Variants in CLASP1 observed in about 807,000 individuals in gnomAD.
The protein encoded by CLASP1 is CLIP-associating protein 1.
A neutral mutation model predicts 192.3 loss-of-function variants in CLASP1; 38 were observed. The observed-to-expected ratio is 0.20, with a 90% CI of 0.15 to 0.26. The LOEUF (loss-of-function observed/expected upper bound fraction) is 0.26. Among genes scored for constraint, CLASP1 ranks in the 10% least tolerant of loss-of-function variants. The probability of loss-of-function intolerance (pLI) is 1.00; values close to 1 mark genes in which losing one functional copy is unlikely to be tolerated. For missense variants in CLASP1, 1,433 were observed against 1,932.5 expected (o/e 0.74, Z 4.85); for synonymous variants, 691 against 712.8 (o/e 0.97, Z 0.49).
At chr2:121,357,419 C>T (rs1182399933) in intron 37 of CLASP1, among the ~76,000 whole-genome samples, 1 of 152,148 alleles carries the variant, frequency 6.6e-6, no homozygotes, top group Non-Finnish European at 1.5e-5. Flanking sequence ...ACCTGCCCCC[C>T]ACCTCCCACC....
chr2:121,633,028 A>ATATATATATATATACATATATG (rs71398039), intron 1 of CLASP1, among the ~76,000 whole-genome samples: 7 of 137,544 alleles, frequency 5.1e-5, no homozygotes, highest in Non-Finnish European at 9.3e-5. Flanking sequence ...ATATATATAT[A>ATATATATATATATACATATATG]GGCTTTTTTT....
intron 6 of CLASP1, among the ~76,000 whole-genome samples, chr2:121,524,284 A>G (rs1335669621): frequency 6.6e-6 from 1 of 152,234 alleles, no homozygotes. Context: ...TTCCCACGGA[A>G]AACAAAAACA....
At chr2:121,537,508 A>G (rs2095121858) in intron 2 of CLASP1, among the ~76,000 whole-genome samples, 1 of 152,208 alleles carries the variant, frequency 6.6e-6, no homozygotes. Flanking sequence ...AGCCCAGTGT[A>G]TCACACCACA....
At chr2:121,534,250 G>A (rs1186844722) in intron 2 of CLASP1, among the ~76,000 whole-genome samples, 1 of 152,194 alleles carries the variant, frequency 6.6e-6, no homozygotes, top group Non-Finnish European at 1.5e-5. Context: ...TCCAAAGTTG[G>A]TGACCTAGTT....
chr2:121,363,356 A>G lies in CLASP1; in HGVS notation c.4078-56T>C. 4 of 1,602,396 alleles carry G rather than the reference A, an allele frequency of 2.5e-6. No individual in the cohort carries two copies. The South Asian group carries it at 4.4e-5, about 18-fold the overall frequency. On this transcript the variant is annotated intron_variant, in intron 36 of 39. Coordinates refer to ENST00000263710, the Ensembl canonical transcript of CLASP1. ...CAAACACCACACAGCACTTTCACAC[A>G]CAGCAGTCAGCAGGGTCGGCAAGGC...
At chr2:121,516,978 C>G (rs1327407217) in intron 6 of CLASP1, among the ~76,000 whole-genome samples, 1 of 152,138 alleles carries the variant, frequency 6.6e-6, no homozygotes, top group Non-Finnish European at 1.5e-5. Context: ...AAGCTGAGAT[C>G]GTGCCACTGC....
chr2:121,424,654 A>G (rs1280618775), intron 22 of CLASP1, among the ~76,000 whole-genome samples: 1 of 152,264 alleles, frequency 6.6e-6, no homozygotes, highest in Non-Finnish European at 1.5e-5. Context: ...CCTAGCTTTC[A>G]TGCTTAAACA....
intron 8 of CLASP1, among the ~76,000 whole-genome samples, chr2:121,479,016 C>CCACACACACACACCA (rs2092329359): frequency 3.1e-5 from 2 of 63,896 alleles, no homozygotes; most frequent in African/African-American, 9.7e-5. Flanking sequence ...CACACACACA[C>CCACACACACACACCA]CACACACACA....
chr2:121,464,359 C>T (rs1260197857), intron 9 of CLASP1, among the ~76,000 whole-genome samples: 1 of 151,948 alleles, frequency 6.6e-6, no homozygotes, highest in Non-Finnish European at 1.5e-5. Flanking sequence ...GGGTATATAC[C>T]CAGTAATGGG....
intron 8 of CLASP1, among the ~76,000 whole-genome samples, chr2:121,477,127 T>C (rs1418040735): frequency 1.3e-5 from 2 of 152,250 alleles, no homozygotes; most frequent in Non-Finnish European, 2.9e-5. Context: ...TTGGTCTCTC[T>C]GTCCCTGGAG....
chr2:121,549,375 CA>C (rs2057787558), intron 2 of CLASP1, among the ~76,000 whole-genome samples: 2 of 152,150 alleles, frequency 1.3e-5, no homozygotes, highest in South Asian at 4.1e-4. Flanking sequence ...TTCAATTCAA[CA>C]AGACGACCTA....
chr2:121,450,376 T>C (rs950153849), intron 16 of CLASP1, among the ~76,000 whole-genome samples: 5 of 151,508 alleles, frequency 3.3e-5, no homozygotes, highest in African/African-American at 9.7e-5. Context: ...ACAGAGGCCA[T>C]GGCCACATAA....
chr2:121,345,396 G>C (rs1489201017), intron 39 of CLASP1, among the ~76,000 whole-genome samples: 1 of 152,194 alleles, frequency 6.6e-6, no homozygotes, highest in African/African-American at 2.4e-5. Flanking sequence ...GTTCAAATGA[G>C]TTGATGGGAC....
chr2:121,592,926 G>A (rs545647024), intron 2 of CLASP1, among the ~76,000 whole-genome samples: 1 of 152,286 alleles, frequency 6.6e-6, no homozygotes, highest in East Asian at 1.9e-4. Context: ...GATTACAGGC[G>A]TGAGCCACCA....
At chr2:121,577,929 T>C (rs2060691491) in intron 2 of CLASP1, among the ~76,000 whole-genome samples, 1 of 151,772 alleles carries the variant, frequency 6.6e-6, no homozygotes, top group South Asian at 2.1e-4. Context: ...CATTGACTGA[T>C]TGATTGATTA....
chr2:121,562,856 C>A (rs77879796), intron 2 of CLASP1, among the ~76,000 whole-genome samples: 3,359 of 152,246 alleles, frequency 0.022, 120 homozygotes, highest in African/African-American at 0.077. Flanking sequence ...GCTTCAGTTC[C>A]TCCATCTGTA....
chr2:121,380,803 C>A (rs1417633301), intron 33 of CLASP1, among the ~76,000 whole-genome samples: 1 of 152,182 alleles, frequency 6.6e-6, no homozygotes, highest in Non-Finnish European at 1.5e-5. Context: ...CAATGGGCAA[C>A]AGAAGTTATA....
At chr2:121,563,766 A>G (rs947898584) in intron 2 of CLASP1, among the ~76,000 whole-genome samples, 1 of 152,166 alleles carries the variant, frequency 6.6e-6, no homozygotes, top group African/African-American at 2.4e-5. Flanking sequence ...GGGAGAAATA[A>G]ACAAAAAAGA....
chr2:121,530,251 G>A (rs2094734241), exon 3 of CLASP1: 3 of 1,551,460 alleles, frequency 1.9e-6, no homozygotes, highest in African/African-American at 2.7e-5. Context: ...GCTCACCTGT[G>A]CCGATCTGCG....
Sources: allele counts gnomAD v4.1 joint callset (sites outside exome capture counted in the v4.1 genomes callset), GRCh38; gene constraint gnomAD v4.1.1; transcripts MANE v1.5; gene names NCBI Gene and HGNC (gene_info 2026-07-23, HGNC 2026-07-21).